Variants in PKP4 observed in about 807,000 individuals in gnomAD.
The protein encoded by PKP4 is plakophilin 4, also known as plakophilin-4.
PKP4 carries 90 observed loss-of-function variants against 145.1 expected under a neutral mutation model. The observed-to-expected ratio is 0.62, with a 90% CI of 0.52 to 0.74. The LOEUF (loss-of-function observed/expected upper bound fraction) is 0.74. PKP4 is among the 30% of genes least tolerant of loss of function. The probability of loss-of-function intolerance (pLI) is 0.00; values close to 1 mark genes in which losing one functional copy is unlikely to be tolerated. For missense variants in PKP4, 1,340 were observed against 1,482.7 expected (o/e 0.90, Z 1.58); for synonymous variants, 563 against 577.2 (o/e 0.98, Z 0.35).
chr2:158,620,384 G>A (rs1439564752), intron 4 of PKP4, among the ~76,000 whole-genome samples: 1 of 152,072 alleles, frequency 6.6e-6, no homozygotes, highest in Non-Finnish European at 1.5e-5. Context: ...GAAGAGATGA[G>A]TTTGGCTGGA....
intron 16 of PKP4, among the ~76,000 whole-genome samples, chr2:158,667,176 C>T (rs982191763): frequency 6.6e-6 from 1 of 152,162 alleles, no homozygotes; most frequent in Non-Finnish European, 1.5e-5. Context: ...GTACGCTCCG[C>T]ACCCCAGGCA....
intron 1 of PKP4, among the ~76,000 whole-genome samples, chr2:158,478,981 A>G (rs1430290259): frequency 4.6e-5 from 7 of 152,206 alleles, no homozygotes; most frequent in Non-Finnish European, 4.4e-5. Context: ...CATTTTCCCC[A>G]GTATTGGAAT....
chr2:158,571,733 T>TGGCC (rs1273586535), intron 2 of PKP4, among the ~76,000 whole-genome samples: 1 of 152,156 alleles, frequency 6.6e-6, no homozygotes, highest in Non-Finnish European at 1.5e-5. Flanking sequence ...TATGTCACTA[T>TGGCC]GGCCATCAGT....
At chr2:158,577,895 A>G (rs2047995203) in intron 3 of PKP4, among the ~76,000 whole-genome samples, 1 of 152,226 alleles carries the variant, frequency 6.6e-6, no homozygotes, top group African/African-American at 2.4e-5. Context: ...GCATTACTGT[A>G]AAAACATAAT....
At chr2:158,678,157 G>A (rs1231653031) in intron 20 of PKP4, among the ~76,000 whole-genome samples, 3 of 152,134 alleles carry the variant, frequency 2.0e-5, no homozygotes, top group African/African-American at 4.8e-5. Context: ...GGGCTTGTTC[G>A]AATATTGTGT....
intron 2 of PKP4, among the ~76,000 whole-genome samples, chr2:158,542,980 G>A (rs2044657137): frequency 6.6e-6 from 1 of 152,152 alleles, no homozygotes; most frequent in East Asian, 1.9e-4. Context: ...AATTCTATAA[G>A]TGGTAGATTT....
intron 2 of PKP4, among the ~76,000 whole-genome samples, chr2:158,541,072 A>C (rs1318926667): frequency 6.6e-6 from 1 of 152,106 alleles, no homozygotes; most frequent in Non-Finnish European, 1.5e-5. Flanking sequence ...TCAGCATTGA[A>C]TTCTCTGCTT....
At chr2:158,554,429 A>ATTTTTTT (rs563557560) in intron 2 of PKP4, among the ~76,000 whole-genome samples, 1 of 141,168 alleles carries the variant, frequency 7.1e-6, no homozygotes, top group Non-Finnish European at 1.5e-5. Flanking sequence ...TATTATTATT[A>ATTTTTTT]TTTTTTTTTT....
At chr2:158,531,684 G>T (rs1431902316) in intron 1 of PKP4, among the ~76,000 whole-genome samples, 2 of 152,144 alleles carry the variant, frequency 1.3e-5, no homozygotes, top group African/African-American at 4.8e-5. Context: ...GAGGAAGTGA[G>T]GCTCAGCAAG....
chr2:158,503,244 A>G (rs1268594088), intron 1 of PKP4, among the ~76,000 whole-genome samples: 1 of 152,260 alleles, frequency 6.6e-6, no homozygotes, highest in Non-Finnish European at 1.5e-5. Context: ...GATATGTCAA[A>G]AGGAATTCCA....
At chr2:158,468,361 A>AG (rs2105393705) in intron 1 of PKP4, among the ~76,000 whole-genome samples, 1 of 152,272 alleles carries the variant, frequency 6.6e-6, no homozygotes, top group Non-Finnish European at 1.5e-5. Context: ...ACTTCCCATA[A>AG]GTTTACCTTA....
chr2:158,579,695 C>G (rs1574594113), intron 3 of PKP4, among the ~76,000 whole-genome samples: 1 of 152,042 alleles, frequency 6.6e-6, no homozygotes, highest in African/African-American at 2.4e-5. Flanking sequence ...TAGGTACACT[C>G]TAAAGCAGTT....
intron 11 of PKP4, among the ~76,000 whole-genome samples, chr2:158,646,438 G>T (rs1157114179): frequency 2.0e-5 from 3 of 152,142 alleles, no homozygotes; most frequent in Non-Finnish European, 4.4e-5. Flanking sequence ...CCTAAACATT[G>T]TCTAACTAAC....
chr2:158,600,063 A>G (rs552806768), intron 3 of PKP4, among the ~76,000 whole-genome samples: 4 of 152,228 alleles, frequency 2.6e-5, no homozygotes, highest in Non-Finnish European at 4.4e-5. Flanking sequence ...TTTTCATGTA[A>G]TATTATGATG....
rs1377944867 is a variant in PKP4 at position 158,602,353 on chromosome 2, C to A, written c.246-717C>A. ...TTGTGATAAATAACATAAAGGAGAT[C>A]ATATGTGAAATGCTTAATCTAGCAT... On this transcript the variant is annotated intron_variant, in intron 3 of 21. Transcript: ENST00000389759. Among the ~76,000 whole-genome samples, 6 of 152,152 alleles carry A rather than the reference C, an allele frequency of 3.9e-5. 1 individual carries two copies. Among genetic ancestry groups the A allele is most frequent in the Non-Finnish European group, 8.8e-5 (6 of 68,026 alleles).
intron 7 of PKP4, among the ~76,000 whole-genome samples, 190 bp downstream of exon 7, chr2:158,625,617 A>G (rs1181667463): frequency 2.0e-5 from 3 of 152,204 alleles, no homozygotes; most frequent in Non-Finnish European, 4.4e-5. Flanking sequence ...ATATACATTT[A>G]TATCAATAGA....
In PKP4 at chr2:158,669,854, G is replaced by T. The variant is rs749489048; in HGVS notation, c.2863G>T (p.Ala955Ser). ...CAGCAAAAACATGGAGAACGCAAAA[G>T]CCCTGGCCGACTCAGGAGGCATAGA... ...VTSKNMENAKALADSGGIEKL... is the reference protein window; with the variant it reads ...VTSKNMENAKSLADSGGIEKL... The change falls in exon 17 of 22, where the codon GCC becomes TCC. Residue 955 changes from alanine to serine, a missense_variant. Coordinates refer to ENST00000389759, the MANE Select transcript of PKP4 (RefSeq NM_003628.6). The T allele has an allele frequency of 1.2e-5, 19 of 1,613,992 alleles. No homozygotes were observed. The highest frequency in any genetic ancestry group is 8.5e-7 in the Non-Finnish European group (1 of 1,179,932).
At chr2:158,587,136 G>A (rs1452470546) in intron 3 of PKP4, among the ~76,000 whole-genome samples, 1 of 152,058 alleles carries the variant, frequency 6.6e-6, no homozygotes, top group Non-Finnish European at 1.5e-5. Context: ...AAAAAGATCA[G>A]GTTAATAGCA....
intron 1 of PKP4, among the ~76,000 whole-genome samples, chr2:158,513,801 G>A (rs760803567): frequency 2.0e-5 from 3 of 152,006 alleles, no homozygotes; most frequent in Non-Finnish European, 4.4e-5. Flanking sequence ...TTGTTCCTTC[G>A]TCTTCTCATC....
Sources: gnomAD v4.1 joint callset for allele counts (sites outside exome capture counted in the v4.1 genomes callset) on GRCh38, gnomAD v4.1.1 for gene constraint, MANE v1.5 for transcripts, NCBI Gene and HGNC (gene_info 2026-07-23, HGNC 2026-07-21) for gene names.